The following LDLRAD4 variants were observed in gnomAD, a reference collection of about 807,000 sequenced individuals.
LDLRAD4 encodes the protein low density lipoprotein receptor class A domain containing 4.
LDLRAD4 carries 5 observed loss-of-function variants against 17.0 expected under a neutral mutation model. The ratio of observed to expected loss-of-function variants is 0.29; its 90% CI spans 0.15 to 0.62. The LOEUF (loss-of-function observed/expected upper bound fraction) is 0.62. Ranked by LOEUF, LDLRAD4 falls within the 20% of genes least tolerant of loss-of-function variation. LDLRAD4 has a pLI of 0.84. For missense variants in LDLRAD4, 340 were observed against 424.7 expected (o/e 0.80, Z 1.75); for synonymous variants, 168 against 171.8 (o/e 0.98, Z 0.17).
chr18:13,383,821 C>A (rs562143243), intron 1 of LDLRAD4, among the ~76,000 whole-genome samples: 1 of 152,208 alleles, frequency 6.6e-6, no homozygotes, highest in Non-Finnish European at 1.5e-5. Flanking sequence ...TGGTCACAGT[C>A]TTTCACTGAG....
At chr18:13,318,115 G>C (rs981454418) in intron 1 of LDLRAD4, among the ~76,000 whole-genome samples, 1 of 152,146 alleles carries the variant, frequency 6.6e-6, no homozygotes, top group African/African-American at 2.4e-5. Flanking sequence ...CCTGAGTGTT[G>C]TCAGCACTGG....
intron 2 of LDLRAD4, among the ~76,000 whole-genome samples, chr18:13,421,734 T>G (rs1259882590): frequency 6.6e-6 from 1 of 152,134 alleles, no homozygotes; most frequent in Admixed American, 6.5e-5. Context: ...TAAGTGCCGT[T>G]TGTAGAATTA....
chr18:13,253,889 GCT>G (rs1388187956), intron 1 of LDLRAD4, among the ~76,000 whole-genome samples: 1 of 152,218 alleles, frequency 6.6e-6, no homozygotes, highest in Non-Finnish European at 1.5e-5. Flanking sequence ...TCCCTCGCCT[GCT>G]CACCTGCCCT....
intron 3 of LDLRAD4, among the ~76,000 whole-genome samples, chr18:13,569,671 G>A (rs1033255705): frequency 6.6e-5 from 10 of 152,162 alleles, no homozygotes; most frequent in Admixed American, 2.0e-4. Context: ...ATCACTTGAG[G>A]TCAGGAGTTC....
At chr18:13,382,849 C>G (rs777284187) in intron 1 of LDLRAD4, 1 of 152,338 alleles carries the variant, frequency 6.6e-6, no homozygotes, top group Non-Finnish European at 1.5e-5. Context: ...GCAAGAGGCC[C>G]AGGGTCAGTC....
intron 1 of LDLRAD4, among the ~76,000 whole-genome samples, chr18:13,311,379 G>A (rs62097354): frequency 0.022 from 3,306 of 152,330 alleles, 60 homozygotes; most frequent in Non-Finnish European, 0.035. Flanking sequence ...TCCTGGTGGC[G>A]GTGTTGCGGG....
intron 3 of LDLRAD4, among the ~76,000 whole-genome samples, chr18:13,582,810 G>A (rs1476176993): frequency 6.6e-5 from 10 of 152,186 alleles, no homozygotes; most frequent in South Asian, 2.1e-4. Flanking sequence ...CCTCCCAGGC[G>A]CAAGCAAACT....
In LDLRAD4 at chr18:13,557,406, G is replaced by C. The variant is rs143209401; in HGVS notation, c.182-63711G>C. ...CCTAAGGATGGTTTCTTTAGACAAA[G>C]CCTTTTTTTTTTGAGATTGAGTCTC... On this transcript the variant is annotated intron_variant, in intron 3 of 5. Coordinates refer to ENST00000359446, the Ensembl canonical transcript of LDLRAD4. Among the ~76,000 whole-genome samples, 38 of 152,118 alleles carry C rather than the reference G, an allele frequency of 2.5e-4. No individual in the cohort carries two copies. The East Asian group carries it at 7.3e-3, about 29-fold the overall frequency.
chr18:13,489,157 CTT>C (rs143795732), intron 3 of LDLRAD4: 18 of 136,874 alleles, frequency 1.3e-4, no homozygotes, highest in Admixed American at 1.5e-4. Flanking sequence ...TTCTTTCTTT[CTT>C]TTTTTTTTTT....
At chr18:13,263,833 C>CT (rs2044059663) in intron 1 of LDLRAD4, among the ~76,000 whole-genome samples, 1 of 152,168 alleles carries the variant, frequency 6.6e-6, no homozygotes, top group East Asian at 1.9e-4. Context: ...ATTGCTGTCC[C>CT]TCTAAAGGTC....
chr18:13,485,572 A>T (rs1321862069), intron 3 of LDLRAD4, among the ~76,000 whole-genome samples: 1 of 152,194 alleles, frequency 6.6e-6, no homozygotes, highest in East Asian at 1.9e-4. Context: ...CCACTTGTAG[A>T]ACAGAGATGT....
At chr18:13,504,658 C>T (rs1412806510) in intron 3 of LDLRAD4, among the ~76,000 whole-genome samples, 1 of 152,154 alleles carries the variant, frequency 6.6e-6, no homozygotes, top group Non-Finnish European at 1.5e-5. Flanking sequence ...AAACTCCTCA[C>T]CTCAGGTGAT....
intron 3 of LDLRAD4, among the ~76,000 whole-genome samples, chr18:13,553,905 C>T (rs1387312089): frequency 1.3e-5 from 2 of 152,132 alleles, no homozygotes; most frequent in African/African-American, 4.8e-5. Context: ...AACCGATTTC[C>T]CTGAAATTCT....
At chr18:13,345,618 C>T (rs922068986) in intron 1 of LDLRAD4, among the ~76,000 whole-genome samples, 7 of 152,076 alleles carry the variant, frequency 4.6e-5, no homozygotes, top group Admixed American at 1.3e-4. Context: ...GGGAGGATTC[C>T]CTCTTTTTTT....
chr18:13,293,473 T>C (rs1289128903), intron 1 of LDLRAD4, among the ~76,000 whole-genome samples: 1 of 152,224 alleles, frequency 6.6e-6, no homozygotes, highest in African/African-American at 2.4e-5. Context: ...CCTCCTCATG[T>C]AGAAGTTATG....
At chr18:13,376,018 T>C (rs1247976618) in intron 1 of LDLRAD4, among the ~76,000 whole-genome samples, 3 of 152,200 alleles carry the variant, frequency 2.0e-5, no homozygotes, top group African/African-American at 4.8e-5. Context: ...CAGCTTACTT[T>C]CCTTGGAGGA....
At chr18:13,221,726 A>G (rs2041462681) in intron 1 of LDLRAD4, among the ~76,000 whole-genome samples, 1 of 152,224 alleles carries the variant, frequency 6.6e-6, no homozygotes, top group African/African-American at 2.4e-5. Flanking sequence ...CATGTGATTT[A>G]AGAATGGATT....
At chr18:13,624,231 A>G (rs1001275394) in intron 4 of LDLRAD4, among the ~76,000 whole-genome samples, 1 of 152,096 alleles carries the variant, frequency 6.6e-6, no homozygotes, top group African/African-American at 2.4e-5. Context: ...ACTGTAAAAG[A>G]GGCTGCCTGT....
intron 4 of LDLRAD4, among the ~76,000 whole-genome samples, chr18:13,630,828 G>A (rs2041599384): frequency 6.6e-6 from 1 of 152,272 alleles, no homozygotes; most frequent in South Asian, 2.1e-4. Context: ...CTTACAGTGT[G>A]CTCAGATCAT....
Sources: gnomAD v4.1 joint callset for allele counts (sites outside exome capture counted in the v4.1 genomes callset) on GRCh38, gnomAD v4.1.1 for gene constraint, MANE v1.5 for transcripts, NCBI Gene and HGNC (gene_info 2026-07-23, HGNC 2026-07-21) for gene names.